CNKSR2: variants seen among roughly 807,000 people sequenced by gnomAD.
CNKSR2 encodes connector enhancer of kinase suppressor of Ras 2.
In CNKSR2, 14 loss-of-function variants were observed where a neutral mutation model predicts 84.4. The ratio of observed to expected loss-of-function variants is 0.17; its 90% CI spans 0.11 to 0.26. The LOEUF is 0.26. Among genes scored for constraint, CNKSR2 ranks in the 10% least tolerant of loss-of-function variants. The pLI, the probability that CNKSR2 is intolerant of heterozygous loss-of-function variation, is 1.00. For synonymous variants in CNKSR2, 275 were observed against 277.9 expected (o/e 0.99, Z 0.10); for missense variants, 485 against 771.2 (o/e 0.63, Z 4.40).
intron 1 of CNKSR2, among the ~76,000 whole-genome samples, chrX:21,413,443 G>T (rs1044107016): frequency 9.0e-6 from 1 of 110,656 alleles, no homozygotes; most frequent in Non-Finnish European, 1.9e-5. Flanking sequence ...TATCCTTTGT[G>T]TTACAAACAA....
At chrX:21,501,016 C>A (rs1438132253) in intron 7 of CNKSR2, among the ~76,000 whole-genome samples, 1 of 111,311 alleles carries the variant, frequency 9.0e-6, no homozygotes, top group Admixed American at 9.5e-5. Flanking sequence ...ATCTTTGATG[C>A]TGATCATATT....
intron 5 of CNKSR2, among the ~76,000 whole-genome samples, chrX:21,477,427 A>AT (rs1297356676): frequency 9.4e-6 from 1 of 106,724 alleles, no homozygotes; most frequent in South Asian, 4.0e-4. Flanking sequence ...TCTCCAAGCT[A>AT]TTTTTTTCTT....
intron 13 of CNKSR2, among the ~76,000 whole-genome samples, 182 bp downstream of exon 13, chrX:21,563,634 C>T (rs2092212574): frequency 1.8e-5 from 2 of 111,171 alleles, no homozygotes; most frequent in South Asian, 7.5e-4. Context: ...TTTATGTGTT[C>T]AATGAGTTCA....
chrX:21,618,364 A>G (rs73453512), intron 20 of CNKSR2, among the ~76,000 whole-genome samples: 7,059 of 111,589 alleles, frequency 0.063, 535 homozygotes, highest in African/African-American at 0.22. Flanking sequence ...ATGGGAAAAT[A>G]TTCCCACTAC....
At chrX:21,400,614 G>A (rs977166954) in intron 1 of CNKSR2, among the ~76,000 whole-genome samples, 1 of 110,991 alleles carries the variant, frequency 9.0e-6, no homozygotes, top group East Asian at 2.8e-4. Flanking sequence ...TTAGGGGCAC[G>A]GCCAGAAATA....
intron 1 of CNKSR2, among the ~76,000 whole-genome samples, chrX:21,379,965 C>A (rs1023593471): frequency 9.0e-6 from 1 of 110,874 alleles, no homozygotes; most frequent in African/African-American, 3.3e-5. Flanking sequence ...AGCGGCACAG[C>A]AAGAAACTCT....
At chrX:21,497,156 C>T (rs2091508284) in intron 6 of CNKSR2, among the ~76,000 whole-genome samples, 1 of 111,036 alleles carries the variant, frequency 9.0e-6, no homozygotes, top group African/African-American at 3.3e-5. Context: ...AAAGTGGAAT[C>T]TTGTCCTTTT....
chrX:21,426,279 C>T, intron 1 of CNKSR2: 1 of 362,704 alleles, frequency 2.8e-6, no homozygotes, highest in Non-Finnish European at 4.7e-6. Context: ...GAGGAAAATT[C>T]AACTAGGTAC....
At chrX:21,598,718 A>G (rs1187413464) in intron 17 of CNKSR2, among the ~76,000 whole-genome samples, 4 of 112,242 alleles carry the variant, frequency 3.6e-5, no homozygotes, top group Admixed American at 1.9e-4. Flanking sequence ...ATTTGCTACT[A>G]TTTCACATAT....
At chrX:21,424,575 T>C (rs1271668554) in intron 1 of CNKSR2, 2 of 111,838 alleles carry the variant, frequency 1.8e-5, no homozygotes, top group Admixed American at 1.9e-4. Context: ...CAAATGCTCA[T>C]GTCCCTTATA....
chrX:21,402,030 C>A (rs2090198107), intron 1 of CNKSR2, among the ~76,000 whole-genome samples: 1 of 111,336 alleles, frequency 9.0e-6, no homozygotes, highest in African/African-American at 3.3e-5. Context: ...TTCTCTCAAA[C>A]ATATGGTCTC....
chrX:21,398,887 G>C (rs2090153055), intron 1 of CNKSR2, among the ~76,000 whole-genome samples: 1 of 110,021 alleles, frequency 9.1e-6, no homozygotes, highest in Non-Finnish European at 1.9e-5. Flanking sequence ...ATTATAACTT[G>C]ATATGTTAAA....
chrX:21,430,892 C>A (rs1308619470), intron 2 of CNKSR2, among the ~76,000 whole-genome samples: 2 of 111,939 alleles, frequency 1.8e-5, no homozygotes, highest in African/African-American at 6.5e-5. Flanking sequence ...GTTTTATTTG[C>A]CCAAGCAAAT....
At position 21,555,102 on chromosome X, in the gene CNKSR2, C is replaced by A. The variant is rs138061290; in HGVS notation, c.1304-6369C>A. ...TGATTTGCATTTCCCTAATGATTAG[C>A]GATGTTGAGCTTTTTTCCATATGAT... On this transcript the variant is annotated intron_variant, in intron 11 of 21. Coordinates refer to ENST00000379510, the MANE Select transcript of CNKSR2 (RefSeq NM_014927.5). 5.4e-3 allele frequency among the ~76,000 whole-genome samples: 579 copies of A among 107,442 alleles called. 1 individual carries two copies. The highest frequency in any genetic ancestry group is 8.5e-3 in the Non-Finnish European group (443 of 51,854). The allele number at this position is 107,442 out of a possible 115,157, so 93.3% of individuals were successfully genotyped here. A position where few individuals can be genotyped will look rare whatever the true frequency, so the allele number is the denominator to read the frequency against.
In CNKSR2 at chrX:21,481,148, G is replaced by C. The variant is rs2091315339; in HGVS notation, c.562-9311G>C. Among the ~76,000 whole-genome samples, 3 of 111,725 alleles carry C rather than the reference G, an allele frequency of 2.7e-5. No individual in the cohort carries two copies. The Admixed American group carries it at 2.9e-4, about 11-fold the overall frequency. On this transcript the variant is annotated intron_variant, in intron 5 of 21. Coordinates refer to ENST00000379510, the MANE Select transcript of CNKSR2 (RefSeq NM_014927.5). ...TAGAAGAATACTTAGAATATAGTAA[G>C]CTTTCAATAAATATCAGTTATTGTT...
At chrX:21,447,959 A>C (rs958577570) in intron 4 of CNKSR2, among the ~76,000 whole-genome samples, 7 of 111,389 alleles carry the variant, frequency 6.3e-5, no homozygotes, top group African/African-American at 2.3e-4. Context: ...GCCTCAAGTG[A>C]TTCAAATACG....
In CNKSR2 at chrX:21,470,772, A is replaced by T; in HGVS notation, c.526A>T (p.Thr176Ser). 1 of 1,005,746 alleles carries T rather than the reference A, an allele frequency of 9.9e-7. No homozygotes were observed. The highest frequency in any genetic ancestry group is 1.4e-6 in the Non-Finnish European group (1 of 735,888). The allele number at this position is 1,005,746 out of a possible 1,213,427, so 82.9% of individuals were successfully genotyped here. The change falls in exon 5 of 22, where the codon ACT (threonine) becomes TCT (serine). Residue 176 changes from threonine (T) to serine (S), a missense_variant. By Grantham distance (58) the Thr-to-Ser change is moderately conservative. Coordinates refer to ENST00000379510, the MANE Select transcript of CNKSR2 (RefSeq NM_014927.5). ...TATGGTTCTTTTTTTTCAGGATTGT[A>T]CTGTATATGAAACAGAGAATAAAAT... ...ELTTIVQQDC[T>S]VYETENKILH...
At chrX:21,406,454 A>G (rs1369274147) in intron 1 of CNKSR2, among the ~76,000 whole-genome samples, 1 of 111,730 alleles carries the variant, frequency 9.0e-6, no homozygotes, top group Admixed American at 9.5e-5. Context: ...GCCATAAAAC[A>G]TCTAATTCTG....
At chrX:21,480,867 G>A (rs781467945) in intron 5 of CNKSR2, among the ~76,000 whole-genome samples, 2 of 112,008 alleles carry the variant, frequency 1.8e-5, no homozygotes, top group Non-Finnish European at 1.9e-5. Context: ...TTATCTCAAT[G>A]TTGGGCTCAC....
Sources: gnomAD v4.1 joint callset for allele counts (sites outside exome capture counted in the v4.1 genomes callset) on GRCh38, gnomAD v4.1.1 for gene constraint, MANE v1.5 for transcripts, NCBI Gene and HGNC (gene_info 2026-07-23, HGNC 2026-07-21) for gene names.